SRGN: variants seen among roughly 807,000 people sequenced by gnomAD.
The protein encoded by SRGN is hematopoetic proteoglycan core peptide.
Under a neutral mutation model 9.5 loss-of-function variants are expected in SRGN, and 2 were observed. The observed-to-expected ratio is 0.21, with a 90% CI of 0.09 to 0.66. SRGN has a LOEUF of 0.66. Ranked by LOEUF, SRGN falls within the 30% of genes least tolerant of loss-of-function variation. The pLI is 0.83. For synonymous variants in SRGN, 59 were observed against 72.3 expected, an observed-to-expected ratio of 0.82 and a Z score of 0.93; for missense variants, 170 against 192.4, an observed-to-expected ratio of 0.88 and a Z score of 0.69.
intron 2 of SRGN, among the ~76,000 whole-genome samples, chr10:69,101,337 C>T (rs1294670188): frequency 6.6e-6 from 1 of 152,208 alleles, no homozygotes; most frequent in Non-Finnish European, 1.5e-5. Flanking sequence ...CACTTCTCCT[C>T]CATCACCTGT....
rs936987590 is a variant in SRGN, at chr10:69,100,628, C to A, written c.228-3243C>A. 3.3e-5 allele frequency among the ~76,000 whole-genome samples: 5 copies of A among 152,086 alleles called. No homozygotes were observed. The East Asian group carries it at 9.6e-4, about 29-fold the overall frequency. On this transcript the variant is annotated intron_variant, in intron 2 of 2. Coordinates refer to ENST00000242465, the MANE Select transcript of SRGN (RefSeq NM_002727.4). ...ATGGTCCTTGCTTCTGTGCTGATCC[C>A]AAACCCTTTTGCCCTCAGATCCTCC...
intron 1 of SRGN, among the ~76,000 whole-genome samples, chr10:69,096,020 G>C (rs993423839): frequency 3.3e-5 from 5 of 152,228 alleles, no homozygotes; most frequent in Admixed American, 2.6e-4. Context: ...CTGAGACTCA[G>C]ATATTCCAAG....
At chr10:69,092,159 A>G (rs974175423) in intron 1 of SRGN, among the ~76,000 whole-genome samples, 1 of 152,112 alleles carries the variant, frequency 6.6e-6, no homozygotes, top group Non-Finnish European at 1.5e-5. Context: ...AACAAATCCC[A>G]TAAGTGGACC....
At chr10:69,099,487 A>G (rs1417057314) in intron 2 of SRGN, among the ~76,000 whole-genome samples, 2 of 151,794 alleles carry the variant, frequency 1.3e-5, no homozygotes, top group Non-Finnish European at 2.9e-5. Context: ...TTTTTTTTGT[A>G]GAGACAGGGG....
chr10:69,091,915 G>A (rs144546970), intron 1 of SRGN, among the ~76,000 whole-genome samples: 8,346 of 68,184 alleles, frequency 0.12, 5 homozygotes, highest in Non-Finnish European at 0.15. Flanking sequence ...AAAAGAAAAA[G>A]AAAAGAAAAG....
In SRGN at chr10:69,094,929, A is replaced by C. The variant is rs546235485; in HGVS notation, c.80-2155A>C. 7.2e-5 allele frequency among the ~76,000 whole-genome samples: 11 copies of C among 151,950 alleles called. No individual in the cohort carries two copies. In the East Asian group the frequency reaches 2.1e-3, roughly 29 times the overall value. Reference sequence around the variant, plus strand: ...ATTTTTATTTTTATTTTATTAAAAAAAAAAGTTTTTGCCTACCCGCCTCTC... The same window carrying C: ...ATTTTTATTTTTATTTTATTAAAAACAAAAGTTTTTGCCTACCCGCCTCTC... On this transcript the variant is annotated intron_variant, in intron 1 of 2. Transcript: ENST00000242465.
chr10:69,096,404 A>C (rs1840176830), intron 1 of SRGN, among the ~76,000 whole-genome samples: 1 of 152,180 alleles, frequency 6.6e-6, no homozygotes. Context: ...TTCTCATTTA[A>C]TTTTTGTGAT....
intron 2 of SRGN, among the ~76,000 whole-genome samples, chr10:69,101,613 A>C (rs1840293264): frequency 6.6e-6 from 1 of 151,948 alleles, no homozygotes; most frequent in South Asian, 2.1e-4. Flanking sequence ...GCTCCTCTTC[A>C]CAATAACACC....
intron 1 of SRGN, 26 bp from the exon 2 acceptor site, chr10:69,097,058 A>G: frequency 6.2e-7 from 1 of 1,610,710 alleles, no homozygotes; most frequent in Non-Finnish European, 8.5e-7. Flanking sequence ...GTAGATACTT[A>G]GTAACAATGT....
At chr10:69,102,680 A>T (rs1262677014) in intron 2 of SRGN, among the ~76,000 whole-genome samples, 2 of 152,040 alleles carry the variant, frequency 1.3e-5, no homozygotes, top group Non-Finnish European at 2.9e-5. Flanking sequence ...TGAATTTCTA[A>T]TCATCACACT....
chr10:69,097,249 T>A lies in SRGN; in HGVS notation c.227+18T>A. ...CTTTTTCCGTAAGTGGACTTTTCTC[T>A]AATTAATTAATTAATTACTTATTTA... On this transcript the variant is annotated intron_variant, in intron 2 of 2. Transcript: ENST00000242465. 6.4e-7 allele frequency: 1 copy of A among 1,563,926 alleles called. No individual in the cohort carries two copies. Among genetic ancestry groups the A allele is most frequent in the Non-Finnish European group, 8.8e-7 (1 of 1,141,674 alleles).
chr10:69,090,864 G>A (rs531760025), intron 1 of SRGN, among the ~76,000 whole-genome samples: 2 of 152,244 alleles, frequency 1.3e-5, no homozygotes, highest in African/African-American at 4.8e-5. Context: ...AGGGCTCCAG[G>A]GGATTTGATG....
At chr10:69,101,185 G>A (rs1840283245) in intron 2 of SRGN, among the ~76,000 whole-genome samples, 1 of 151,974 alleles carries the variant, frequency 6.6e-6, no homozygotes, top group Admixed American at 6.6e-5. Flanking sequence ...GGCTGGTCTT[G>A]AACTTCTGAC....
intron 1 of SRGN, among the ~76,000 whole-genome samples, chr10:69,090,994 T>C (rs1272109631): frequency 1.3e-5 from 2 of 152,206 alleles, no homozygotes; most frequent in African/African-American, 4.8e-5. Flanking sequence ...GTGTCCACTG[T>C]ATACTGTCTC....
chr10:69,094,900 CCTAAT>C (rs1840143923), intron 1 of SRGN, among the ~76,000 whole-genome samples: 1 of 151,856 alleles, frequency 6.6e-6, no homozygotes, highest in Middle Eastern at 3.2e-3. Flanking sequence ...CCACACCCAA[CCTAAT>C]TTTTATTTTT....
At chr10:69,098,622 C>T (rs1840227816) in intron 2 of SRGN, 1 of 151,554 alleles carries the variant, frequency 6.6e-6, no homozygotes, top group African/African-American at 2.4e-5. Flanking sequence ...ATTTCAAATA[C>T]ATTTTTTATA....
chr10:69,096,593 C>T (rs1840179843), intron 1 of SRGN, among the ~76,000 whole-genome samples: 1 of 152,178 alleles, frequency 6.6e-6, no homozygotes, highest in Non-Finnish European at 1.5e-5. Flanking sequence ...AAAATGTTGG[C>T]ACATAGTGGG....
upstream of SRGN, chr10:69,087,980 C>T: frequency 1.6e-6 from 1 of 614,478 alleles, no homozygotes; most frequent in East Asian, 2.8e-5. Context: ...GTTCCCCCCA[C>T]CCCCTTTCTT....
At chr10:69,098,649 C>T (rs2132158964) in intron 2 of SRGN, 1 of 151,494 alleles carries the variant, frequency 6.6e-6, no homozygotes, top group African/African-American at 2.4e-5. Context: ...AAATGTTCTT[C>T]AAGTAGTTGG....
Sources: gnomAD v4.1 joint callset for allele counts (sites outside exome capture counted in the v4.1 genomes callset) on GRCh38, gnomAD v4.1.1 for gene constraint, MANE v1.5 for transcripts, NCBI Gene and HGNC (gene_info 2026-07-23, HGNC 2026-07-21) for gene names.